The following MYCBP2 variants were observed in gnomAD, a reference collection of about 807,000 sequenced individuals.
The protein encoded by MYCBP2 is E3 ubiquitin-protein ligase MYCBP2.
A neutral mutation model predicts 525.3 loss-of-function variants in MYCBP2; 120 were observed. The ratio of observed to expected loss-of-function variants is 0.23; its 90% CI spans 0.20 to 0.27. The LOEUF (loss-of-function observed/expected upper bound fraction) is 0.27. Among genes scored for constraint, MYCBP2 ranks in the 10% least tolerant of loss-of-function variants. The pLI is 1.00. For missense variants in MYCBP2, 4,149 were observed against 5,657.1 expected (o/e 0.73, Z 8.55); for synonymous variants, 1,894 against 1,955.8 (o/e 0.97, Z 0.83).
intron 26 of MYCBP2, among the ~76,000 whole-genome samples, chr13:77,201,338 G>C (rs1182512962): frequency 1.3e-5 from 2 of 149,154 alleles, no homozygotes; most frequent in Non-Finnish European, 1.5e-5. Flanking sequence ...AACAAGAAGA[G>C]CTAACTATCC....
At chr13:77,186,246 C>G (rs1007639169) in intron 30 of MYCBP2, among the ~76,000 whole-genome samples, 183 bp from the exon 31 acceptor site, 4 of 152,114 alleles carry the variant, frequency 2.6e-5, no homozygotes, top group Non-Finnish European at 4.4e-5. Context: ...AAATTACCCT[C>G]AACAGTAACT....
intron 59 of MYCBP2, among the ~76,000 whole-genome samples, chr13:77,091,388 A>C (rs2045392413): frequency 6.6e-6 from 1 of 151,996 alleles, no homozygotes; most frequent in Admixed American, 6.6e-5. Flanking sequence ...TTTTCTACTA[A>C]CTTAAAAAAA....
chr13:77,318,815 CA>C (rs1270122115), intron 1 of MYCBP2, among the ~76,000 whole-genome samples: 1 of 152,148 alleles, frequency 6.6e-6, no homozygotes, highest in Non-Finnish European at 1.5e-5. Flanking sequence ...GCCTGTTAGA[CA>C]CAGAACAACT....
chr13:77,324,747 T>C (rs1475179032), intron 1 of MYCBP2, among the ~76,000 whole-genome samples: 1 of 152,220 alleles, frequency 6.6e-6, no homozygotes, highest in Non-Finnish European at 1.5e-5. Context: ...AAACCGTTAA[T>C]ATAGTTCTAG....
intron 55 of MYCBP2, among the ~76,000 whole-genome samples, chr13:77,107,986 A>AATTTCCTT (rs1166764725): frequency 6.6e-6 from 1 of 152,178 alleles, no homozygotes; most frequent in Non-Finnish European, 1.5e-5. Context: ...ATACTAAAAG[A>AATTTCCTT]ATTAGACTAA....
intron 17 of MYCBP2, among the ~76,000 whole-genome samples, chr13:77,239,456 G>A (rs1458964393): frequency 6.6e-6 from 1 of 152,134 alleles, no homozygotes; most frequent in African/African-American, 2.4e-5. Context: ...AAGAGCCTTA[G>A]AACACTGTGC....
chr13:77,253,236 G>A (rs924505368), intron 14 of MYCBP2, among the ~76,000 whole-genome samples: 1 of 151,712 alleles, frequency 6.6e-6, no homozygotes, highest in Admixed American at 6.6e-5. Flanking sequence ...AAAATTAAAA[G>A]AAAAGTGAGA....
Position 77,270,444 on chromosome 13 carries a change from T to A in MYCBP2, c.1040A>T (p.Lys347Ile). ...IQDWFSNGIK[K>I]AALMHKWPLK... ...TGGCCACTTGTGCATTAAAGCTGCT[T>A]TCTTAATGCCATTACTAAACCAGTC... The change falls in exon 6 of 83, where the codon AAA becomes ATA. Residue 347 changes from lysine to isoleucine, a missense_variant. Coordinates refer to ENST00000544440, the MANE Select transcript of MYCBP2 (RefSeq NM_015057.5). 1 of 1,613,824 alleles carries A rather than the reference T, an allele frequency of 6.2e-7. No individual in the cohort carries two copies. The highest frequency in any genetic ancestry group is 8.5e-7 in the Non-Finnish European group (1 of 1,179,842).
chr13:77,163,409 G>T (rs1595038155), intron 43 of MYCBP2, among the ~76,000 whole-genome samples: 1 of 152,030 alleles, frequency 6.6e-6, no homozygotes, highest in Non-Finnish European at 1.5e-5. Context: ...AGGGAATAAA[G>T]AAGGAAAGGC....
intron 80 of MYCBP2, among the ~76,000 whole-genome samples, chr13:77,052,302 G>A (rs1273142630): frequency 1.3e-5 from 2 of 152,098 alleles, no homozygotes; most frequent in Non-Finnish European, 2.9e-5. Context: ...GGGCTCAGGC[G>A]ATCCGCCCAA....
intron 3 of MYCBP2, 56 bp downstream of exon 3, chr13:77,288,105 T>C (rs1324463471): frequency 1.1e-5 from 17 of 1,551,396 alleles, no homozygotes; most frequent in African/African-American, 2.7e-5. Flanking sequence ...ATATGCATTA[T>C]AGCCAGAACA....
In MYCBP2 at chr13:77,318,818, A is replaced by G. The variant is rs1482388477; in HGVS notation, c.302+7656T>C. Among the ~76,000 whole-genome samples the G allele has an allele frequency of 2.0e-5, 3 of 152,224 alleles. No individual in the cohort carries two copies. The East Asian group carries it at 5.8e-4, about 29-fold the overall frequency. On this transcript the variant is annotated intron_variant, in intron 1 of 82. Coordinates refer to ENST00000544440, the MANE Select transcript of MYCBP2 (RefSeq NM_015057.5). ...TATGACATGTGTGCCTGTTAGACAC[A>G]GAACAACTTCTCAAACTTGGAATCA...
chr13:77,138,167 T>C (rs2054046436), intron 52 of MYCBP2, among the ~76,000 whole-genome samples: 1 of 152,244 alleles, frequency 6.6e-6, no homozygotes, highest in Admixed American at 6.5e-5. Context: ...ACTCTAAATC[T>C]TCTTGATCAC....
intron 33 of MYCBP2, among the ~76,000 whole-genome samples, chr13:77,180,613 A>T (rs1566832526): frequency 2.0e-5 from 3 of 152,182 alleles, no homozygotes; most frequent in African/African-American, 7.2e-5. Flanking sequence ...CAGACAGAAA[A>T]CTTCTTTCCA....
intron 51 of MYCBP2, 142 bp from the exon 52 acceptor site, chr13:77,139,478 G>C: frequency 1.2e-6 from 1 of 829,986 alleles, no homozygotes; most frequent in Non-Finnish European, 1.8e-6. Context: ...AAGTCTGAGA[G>C]ACCCTCCAGG....
At chr13:77,161,821 T>C (rs1327593453) in intron 44 of MYCBP2, 85 bp downstream of exon 44, 2 of 998,864 alleles carry the variant, frequency 2.0e-6, no homozygotes, top group African/African-American at 3.3e-5. Flanking sequence ...ATGAACCCAA[T>C]GGTCAAGACA....
intron 46 of MYCBP2, among the ~76,000 whole-genome samples, chr13:77,153,139 T>C (rs2056747571): frequency 1.3e-5 from 2 of 151,824 alleles, no homozygotes; most frequent in African/African-American, 2.4e-5. Flanking sequence ...TATGACCTGA[T>C]TCTTCCTGAA....
At chr13:77,227,343 T>TAAAAAAAAAAAAAAAAAAAAAA (rs548646689) in intron 18 of MYCBP2, among the ~76,000 whole-genome samples, 2 of 85,338 alleles carry the variant, frequency 2.3e-5, no homozygotes, top group Non-Finnish European at 5.1e-5. Context: ...ATGGATGGAC[T>TAAAAAAAAAAAAAAAAAAAAAA]AAAAAAAAAA....
At chr13:77,070,754 C>A in intron 68 of MYCBP2, 43 bp from the exon 69 acceptor site, 2 of 1,283,800 alleles carry the variant, frequency 1.6e-6, no homozygotes, top group South Asian at 2.9e-5. Context: ...ATGAAGTGGT[C>A]TCTTTAAATA....
Sources: allele counts gnomAD v4.1 joint callset (sites outside exome capture counted in the v4.1 genomes callset), GRCh38; gene constraint gnomAD v4.1.1; transcripts MANE v1.5; gene names NCBI Gene and HGNC (gene_info 2026-07-23, HGNC 2026-07-21).